The following INSM2 variants were observed in gnomAD, a reference collection of about 807,000 sequenced individuals.
INSM2 encodes insulinoma-associated protein 2.
In INSM2, 12 loss-of-function variants were observed where a neutral mutation model predicts 30.5. The observed-to-expected ratio is 0.39, with a 90% CI of 0.25 to 0.64. INSM2 has a LOEUF of 0.64. Among genes scored for constraint, INSM2 ranks in the 30% least tolerant of loss-of-function variants. The pLI, the probability that INSM2 is intolerant of heterozygous loss-of-function variation, is 0.47. For synonymous variants in INSM2, 418 were observed against 383.7 expected (o/e 1.09, Z -1.05); for missense variants, 773 against 819.2 (o/e 0.94, Z 0.69).
rs1387878857 is a variant in INSM2 at position 35,534,637 on chromosome 14, C to G, written c.385C>G (p.Leu129Val). 3 of 1,434,664 alleles carry G rather than the reference C, an allele frequency of 2.1e-6. No homozygotes were observed. The Admixed American group carries it at 8.4e-5, about 40-fold the overall frequency. 88.9% of individuals were successfully genotyped at this position (1,434,664 alleles called of 1,614,324 possible). The change falls in exon 1 of 1, where the codon CTC becomes GTC. Residue 129 changes from leucine to valine, a missense_variant. Coordinates refer to ENST00000307169, the MANE Select transcript of INSM2 (RefSeq NM_032594.4). ...GCGTCGGGCGTTCCTGGAGCGCTGCCTCAGCTCGCCCGTCTCCGCCGAGTC... is the reference window on the plus strand; with the variant it reads ...GCGTCGGGCGTTCCTGGAGCGCTGCGTCAGCTCGCCCGTCTCCGCCGAGTC... ...ELRRAFLERC[L>V]SSPVSAESFP...
rs2138912373 is a variant in INSM2 at position 35,534,597 on chromosome 14, G to C, written c.345G>C (p.Pro115=). Residue 115 remains proline (P), a synonymous_variant, in exon 1 of 1, where the codon CCG becomes CCC. Transcript: ENST00000307169. ...GCCCCAGCCCCAGTCCAGCGAAGCC[G>C]GCAGGCGCAGAGCTGCGTCGGGCGT... ...SPSPSPSPAK[P]AGAELRRAFL... is the part of the protein sequence containing the mutation. The C allele has an allele frequency of 2.1e-6, 3 of 1,443,968 alleles. No homozygotes were observed. Among genetic ancestry groups the C allele is most frequent in the Non-Finnish European group, 1.8e-6 (2 of 1,108,530 alleles). 89.4% of individuals were successfully genotyped at this position (1,443,968 alleles called of 1,614,324 possible).
Position 35,535,628 on chromosome 14 carries a change from G to A in INSM2, c.1376G>A (p.Gly459Asp), listed in dbSNP as rs140515178. 6.2e-7 allele frequency: 1 copy of A among 1,613,128 alleles called. No homozygotes were observed. The highest frequency in any genetic ancestry group is 8.5e-7 in the Non-Finnish European group (1 of 1,179,998). ...GGCTCGGCCCGTGCGCTAGCGCCGG[G>A]CTTTGGCTCCGAACGCGGTGCCCCA... ...EAGSARALAPGFGSERGAPLA... is the reference protein window; with the variant it reads ...EAGSARALAPDFGSERGAPLA... The change falls in exon 1 of 1, where the codon GGC becomes GAC. Residue 459 changes from glycine to aspartate, a missense_variant. Gly to Asp is a moderately conservative substitution (Grantham distance 94). Coordinates refer to ENST00000307169, the MANE Select transcript of INSM2 (RefSeq NM_032594.4).
At position 35,536,109 on chromosome 14, in the gene INSM2, G is replaced by A; in HGVS notation, c.*156G>A. ...CTGTAGTCAATGTTCCACCAGAGGAGCGGACAGTGAAATGTAATATCCCTC... is the reference window on the plus strand; with the variant it reads ...CTGTAGTCAATGTTCCACCAGAGGAACGGACAGTGAAATGTAATATCCCTC... On this transcript the variant is annotated 3_prime_UTR_variant, in exon 1 of 1. Coordinates refer to ENST00000307169, the MANE Select transcript of INSM2 (RefSeq NM_032594.4). 1 of 881,798 alleles carries A rather than the reference G, an allele frequency of 1.1e-6. No homozygotes were observed. The highest frequency in any genetic ancestry group is 1.7e-6 in the Non-Finnish European group (1 of 574,056). The allele number at this position is 881,798 out of a possible 1,614,324, so 54.6% of individuals were successfully genotyped here. A position where few individuals can be genotyped will look rare whatever the true frequency, so the allele number is the denominator to read the frequency against.
Position 35,534,807 on chromosome 14 carries a change from G to T in INSM2, c.555G>T (p.Ser185=). Residue 185 remains serine, a synonymous_variant, in exon 1 of 1, where the codon TCG becomes TCT. Coordinates refer to ENST00000307169, the MANE Select transcript of INSM2 (RefSeq NM_032594.4). ...PALQPDPAPL[S]AALQSLKRAA... ...TTCAGCCGGACCCTGCGCCCCTCTC[G>T]GCCGCCCTTCAGAGTCTGAAGCGGG... is the stretch of plus-strand genomic sequence containing the variant. 1 of 1,466,726 alleles carries T rather than the reference G, an allele frequency of 6.8e-7. No individual in the cohort carries two copies. Among genetic ancestry groups the T allele is most frequent in the Admixed American group, 2.8e-5 (1 of 35,490 alleles). 90.9% of individuals were successfully genotyped at this position (1,466,726 alleles called of 1,614,324 possible). A position where few individuals can be genotyped will look rare whatever the true frequency, so the allele number is the denominator to read the frequency against.
In INSM2 at chr14:35,535,672, T is replaced by C; in HGVS notation, c.1420T>C (p.Leu474=). 6.2e-7 allele frequency: 1 copy of C among 1,613,286 alleles called. No individual in the cohort carries two copies. Among genetic ancestry groups the C allele is most frequent in the South Asian group, 1.1e-5 (1 of 91,090 alleles). The stretch of plus-strand genomic sequence containing the variant: ...TGCCCCACTTGCCTTCGCTTGCCCA[T>C]TGTGCGGAGCGCACTTCCCTACAGC... ...RGAPLAFACP[L]CGAHFPTADI... Residue 474 remains leucine, a synonymous_variant, in exon 1 of 1, where the codon TTG becomes CTG. Coordinates refer to ENST00000307169, the MANE Select transcript of INSM2 (RefSeq NM_032594.4).
rs1169446338 is a variant in INSM2 at position 35,536,436 on chromosome 14, A to AAGTT, written c.*485_*488dup. ...TTGCACTGTATATTCTGTGAATTAA[A>AAGTT]AGTTATGTGATTGGTGTCAAACTTA... On this transcript the variant is annotated 3_prime_UTR_variant, in exon 1 of 1. Transcript: ENST00000307169. The AAGTT allele has an allele frequency of 6.0e-6, 1 of 166,680 alleles. No individual in the cohort carries two copies. Among genetic ancestry groups the AAGTT allele is most frequent in the Non-Finnish European group, 1.5e-5 (1 of 68,582 alleles). The allele number at this position is 166,680 out of a possible 1,614,324, so 10.3% of individuals were successfully genotyped here.
At position 35,534,518 on chromosome 14, in the gene INSM2, G is replaced by C; in HGVS notation, c.266G>C (p.Arg89Pro). Residue 89 changes from arginine (R) to proline (P), a missense_variant, in exon 1 of 1, where the codon CGG becomes CCG. Physicochemically the swap from Arg to Pro is moderately radical, Grantham distance 103 (BLOSUM62 -2). Transcript: ENST00000307169. ...AAGVSPGTGG[R>P]EGAEWRAGGR... ...GGGGTGAGCCCGGGGACGGGCGGGC[G>C]GGAAGGCGCGGAGTGGCGGGCGGGT... is the stretch of plus-strand genomic sequence containing the variant. 7.1e-7 allele frequency: 1 copy of C among 1,407,520 alleles called. No individual in the cohort carries two copies. The highest frequency in any genetic ancestry group is 9.2e-7 in the Non-Finnish European group (1 of 1,088,816). The allele number at this position is 1,407,520 out of a possible 1,614,324, so 87.2% of individuals were successfully genotyped here.
Position 35,535,116 on chromosome 14 carries a change from C to G in INSM2, c.864C>G (p.Arg288=), listed in dbSNP as rs1367570632. The G allele has an allele frequency of 6.2e-7, 1 of 1,606,904 alleles. No homozygotes were observed. Among genetic ancestry groups the G allele is most frequent in the Non-Finnish European group, 8.5e-7 (1 of 1,176,368 alleles). Reference sequence around the variant, plus strand: ...AGCACCGCTGCTCCCGCATCGTGCGCGTAGAGTACCGCTGCCCTGAGTGCG... The same window carrying G: ...AGCACCGCTGCTCCCGCATCGTGCGGGTAGAGTACCGCTGCCCTGAGTGCG... ...LAQHRCSRIV[R]VEYRCPECDK... The change falls in exon 1 of 1, where the codon CGC becomes CGG. Residue 288 remains arginine (R), a synonymous_variant. Coordinates refer to ENST00000307169, the MANE Select transcript of INSM2 (RefSeq NM_032594.4).
rs568583530 is a variant in INSM2, at chr14:35,534,891, C to G, written c.639C>G (p.Ala213=). The G allele has an allele frequency of 2.6e-5, 42 of 1,589,904 alleles. 1 individual carries two copies. In the South Asian group the frequency reaches 4.8e-4, roughly 18 times the overall value. Residue 213 remains alanine (A), a synonymous_variant, in exon 1 of 1, where the codon GCC becomes GCG. Coordinates refer to ENST00000307169, the MANE Select transcript of INSM2 (RefSeq NM_032594.4). ...CGGACTGCGCGTCTGGACCCGCGGCCGCGGGAATCAAGAAGCCAAAGGCCA... is the reference window on the plus strand; with the variant it reads ...CGGACTGCGCGTCTGGACCCGCGGCGGCGGGAATCAAGAAGCCAAAGGCCA... ...APTDCASGPA[A]AGIKKPKAMR...
Position 35,535,421 on chromosome 14 carries a change from T to C in INSM2, c.1169T>C (p.Leu390Pro). The change falls in exon 1 of 1, where the codon CTG (leucine) becomes CCG (proline). Residue 390 changes from leucine to proline, a missense_variant. Coordinates refer to ENST00000307169, the MANE Select transcript of INSM2 (RefSeq NM_032594.4). ...DSAPRQGLQVLTHPEPPLPQG... is the reference protein window; with the variant it reads ...DSAPRQGLQVPTHPEPPLPQG... ...GCCCCGAGGCAGGGCCTCCAGGTGC[T>C]GACGCATCCAGAGCCACCGCTGCCT... 1.9e-6 allele frequency: 3 copies of C among 1,612,008 alleles called. No individual in the cohort carries two copies. Among genetic ancestry groups the C allele is most frequent in the Non-Finnish European group, 2.5e-6 (3 of 1,179,376 alleles).
At position 35,534,431 on chromosome 14, in the gene INSM2, C is replaced by G; in HGVS notation, c.179C>G (p.Pro60Arg). ...ERATPPTREE[P>R]GKGLTAEAAR... Reference sequence around the variant, plus strand: ...GCGACACCCCCCACCCGAGAGGAACCAGGAAAGGGGTTGACGGCGGAGGCG... The same window carrying G: ...GCGACACCCCCCACCCGAGAGGAACGAGGAAAGGGGTTGACGGCGGAGGCG... The change falls in exon 1 of 1, where the codon CCA becomes CGA. Residue 60 changes from proline to arginine, a missense_variant. By Grantham distance (103) the Pro-to-Arg change is moderately radical (BLOSUM62 -2). Coordinates refer to ENST00000307169, the MANE Select transcript of INSM2 (RefSeq NM_032594.4). 2.7e-6 allele frequency: 4 copies of G among 1,494,048 alleles called. No homozygotes were observed. The highest frequency in any genetic ancestry group is 2.7e-6 in the Non-Finnish European group (3 of 1,129,138). The allele number at this position is 1,494,048 out of a possible 1,614,324, so 92.5% of individuals were successfully genotyped here.
chr14:35,535,335 G>GTTC lies in INSM2; in HGVS notation c.1083_1084insTTC (p.Arg361_Thr362insPhe). On this transcript the variant is annotated inframe_insertion, in exon 1 of 1. Coordinates refer to ENST00000307169, the MANE Select transcript of INSM2 (RefSeq NM_032594.4). Reference sequence around the variant, plus strand: ...GAAAGGAGAACAGCCGAATAGAGCGGACTGCGGATCAGCACCCGCAGGCCA... The same window carrying GTTC: ...GAAAGGAGAACAGCCGAATAGAGCGGTTCACTGCGGATCAGCACCCGCAGGCCA... 6.2e-7 allele frequency: 1 copy of GTTC among 1,610,846 alleles called. No individual in the cohort carries two copies. Among genetic ancestry groups the GTTC allele is most frequent in the Non-Finnish European group, 8.5e-7 (1 of 1,178,500 alleles).
chr14:35,534,188 C>T lies in INSM2; in HGVS notation c.-65C>T. ...CGGCGAAGCTCTTCTAGTTCATCTG[C>T]TGGCCGGCTCTCAGTCCCCGTGGCG... On this transcript the variant is annotated 5_prime_UTR_variant, in exon 1 of 1. Coordinates refer to ENST00000307169, the MANE Select transcript of INSM2 (RefSeq NM_032594.4). 6.5e-7 allele frequency: 1 copy of T among 1,531,624 alleles called. No homozygotes were observed. The highest frequency in any genetic ancestry group is 2.4e-4 in the Middle Eastern group (1 of 4,146). 94.9% of individuals were successfully genotyped at this position (1,531,624 alleles called of 1,614,324 possible).
rs759137344 is a variant in INSM2 at position 35,535,545 on chromosome 14, C to T, written c.1293C>T (p.Cys431=). ...RGSEIFVCPY[C]HKKFRRQAYL... Reference sequence around the variant, plus strand: ...CCGAGATTTTCGTGTGCCCATATTGCCACAAAAAGTTTCGTCGCCAAGCCT... The same window carrying T: ...CCGAGATTTTCGTGTGCCCATATTGTCACAAAAAGTTTCGTCGCCAAGCCT... Residue 431 remains cysteine (C), a synonymous_variant, in exon 1 of 1, where the codon TGC becomes TGT. Coordinates refer to ENST00000307169, the MANE Select transcript of INSM2 (RefSeq NM_032594.4). 1 of 1,613,306 alleles carries T rather than the reference C, an allele frequency of 6.2e-7. No individual in the cohort carries two copies. The highest frequency in any genetic ancestry group is 1.7e-5 in the Admixed American group (1 of 60,034).
rs1219646879 is a variant in INSM2, at chr14:35,534,635, G to T, written c.383G>T (p.Cys128Phe). 7.0e-7 allele frequency: 1 copy of T among 1,433,704 alleles called. No homozygotes were observed. 88.8% of individuals were successfully genotyped at this position (1,433,704 alleles called of 1,614,324 possible). ...CTGCGTCGGGCGTTCCTGGAGCGCT[G>T]CCTCAGCTCGCCCGTCTCCGCCGAG... ...AELRRAFLER[C>F]LSSPVSAESF... Residue 128 changes from cysteine to phenylalanine, a missense_variant, in exon 1 of 1, where the codon TGC (cysteine) becomes TTC (phenylalanine). Transcript: ENST00000307169.
Position 35,534,394 on chromosome 14 carries a change from G to T in INSM2, c.142G>T (p.Gly48Cys). The part of the protein sequence containing the change: ...LEEAPSASLP[G>C]AERATPPTRE... ...GGAGGCTCCCAGCGCCTCCTTGCCC[G>T]GCGCGGAGCGGGCGACACCCCCCAC... Residue 48 changes from glycine to cysteine, a missense_variant, in exon 1 of 1, where the codon GGC becomes TGC. Gly to Cys is a radical substitution (Grantham distance 159). Coordinates refer to ENST00000307169, the MANE Select transcript of INSM2 (RefSeq NM_032594.4). 2.0e-6 allele frequency: 3 copies of T among 1,532,136 alleles called. No homozygotes were observed. Among genetic ancestry groups the T allele is most frequent in the Non-Finnish European group, 2.6e-6 (3 of 1,145,436 alleles). The allele number at this position is 1,532,136 out of a possible 1,614,324, so 94.9% of individuals were successfully genotyped here.
chr14:35,535,746 G>T lies in INSM2; in HGVS notation c.1494G>T (p.Leu498=), dbSNP rs769685229. Residue 498 remains leucine, a synonymous_variant, in exon 1 of 1, where the codon CTG becomes CTT. Transcript: ENST00000307169. ...HRLWHAVREE[L]LLPALAGAPP... is the part of the protein sequence containing the mutation. ...TGTGGCATGCTGTCCGCGAGGAGCT[G>T]CTCCTGCCCGCTCTGGCGGGGGCTC... The T allele has an allele frequency of 1.5e-5, 25 of 1,613,274 alleles. No homozygotes were observed. Among genetic ancestry groups the T allele is most frequent in the Non-Finnish European group, 1.9e-5 (23 of 1,179,950 alleles).
In INSM2 at chr14:35,535,779, A is replaced by G. The variant is rs1219092846; in HGVS notation, c.1527A>G (p.Glu509=). The change falls in exon 1 of 1, where the codon GAA becomes GAG. Residue 509 remains glutamate, a synonymous_variant. Coordinates refer to ENST00000307169, the MANE Select transcript of INSM2 (RefSeq NM_032594.4). ...CCGCTCTGGCGGGGGCTCCTCCCGAAACGTCGGGCCCTAGCGGGCCATCTG... is the reference window on the plus strand; with the variant it reads ...CCGCTCTGGCGGGGGCTCCTCCCGAGACGTCGGGCCCTAGCGGGCCATCTG... ...LLPALAGAPP[E]TSGPSGPSDG... The G allele has an allele frequency of 5.0e-6, 8 of 1,613,266 alleles. No homozygotes were observed. The Admixed American group carries it at 5.0e-5, about 10-fold the overall frequency.
rs1192063056 is a variant in INSM2 at position 35,535,501 on chromosome 14, A to G, written c.1249A>G (p.Thr417Ala). ...GCGCCGGGTACCTGTGCCGGGCAGT[A>G]CCAGTGGTGGCAGGGGATCCGAGAT... ...LGRRVPVPGSTSGGRGSEIFV... is the reference protein window; with the variant it reads ...LGRRVPVPGSASGGRGSEIFV... The change falls in exon 1 of 1, where the codon ACC (threonine) becomes GCC (alanine). Residue 417 changes from threonine to alanine, a missense_variant. Transcript: ENST00000307169. 6.2e-7 allele frequency: 1 copy of G among 1,613,266 alleles called. No individual in the cohort carries two copies. Among genetic ancestry groups the G allele is most frequent in the East Asian group, 2.2e-5 (1 of 44,866 alleles).
Sources: allele counts gnomAD v4.1 joint callset, GRCh38; gene constraint gnomAD v4.1.1; transcripts MANE v1.5; gene names NCBI Gene and HGNC (gene_info 2026-07-23, HGNC 2026-07-21).